The following CLSTN2 variants were observed in gnomAD, a reference collection of about 807,000 sequenced individuals.
The protein encoded by CLSTN2 is calsyntenin-2.
In CLSTN2, 48 loss-of-function variants were observed where a neutral mutation model predicts 101.2. The observed-to-expected ratio is 0.47, with a 90% confidence interval of 0.38 to 0.60. The LOEUF is 0.60. CLSTN2 is among the 20% of genes least tolerant of loss of function. The probability of loss-of-function intolerance (pLI) is 0.00; values close to 1 mark genes in which losing one functional copy is unlikely to be tolerated. For synonymous variants in CLSTN2, 481 were observed against 463.6 expected (o/e 1.04, Z -0.48); for missense variants, 1,160 against 1,238.2 (o/e 0.94, Z 0.95).
intron 1 of CLSTN2, among the ~76,000 whole-genome samples, chr3:140,169,716 T>G (rs2010184281): frequency 6.6e-6 from 1 of 152,194 alleles, no homozygotes; most frequent in Non-Finnish European, 1.5e-5. Context: ...TCATTTTATC[T>G]CAATATGTAT....
At chr3:140,134,910 G>T (rs539622389) in intron 1 of CLSTN2, among the ~76,000 whole-genome samples, 1 of 151,818 alleles carries the variant, frequency 6.6e-6, no homozygotes, top group Non-Finnish European at 1.5e-5. Context: ...AAGCTGGCTT[G>T]TTAAAAGAAG....
intron 2 of CLSTN2, among the ~76,000 whole-genome samples, chr3:140,282,040 TG>T (rs1201449904): frequency 6.6e-6 from 1 of 152,194 alleles, no homozygotes; most frequent in Non-Finnish European, 1.5e-5. Flanking sequence ...TGTATGTGTT[TG>T]TGTGTGTATA....
chr3:140,091,142 G>A (rs916268499), intron 1 of CLSTN2, among the ~76,000 whole-genome samples: 1 of 152,144 alleles, frequency 6.6e-6, no homozygotes, highest in Non-Finnish European at 1.5e-5. Flanking sequence ...TCATGAAGCT[G>A]CTGTAAGGAT....
At chr3:140,063,783 A>T (rs1334042404) in intron 1 of CLSTN2, among the ~76,000 whole-genome samples, 2 of 152,022 alleles carry the variant, frequency 1.3e-5, no homozygotes, top group African/African-American at 4.8e-5. Flanking sequence ...CCTGACATGG[A>T]GGAGGTTTCT....
chr3:140,062,166 G>A (rs2008217657), intron 1 of CLSTN2, among the ~76,000 whole-genome samples: 1 of 152,044 alleles, frequency 6.6e-6, no homozygotes, highest in South Asian at 2.1e-4. Context: ...AGAGCCCCGG[G>A]TACTCAGTTT....
At chr3:140,446,739 A>G (rs1933087077) in intron 5 of CLSTN2, among the ~76,000 whole-genome samples, 1 of 152,024 alleles carries the variant, frequency 6.6e-6, no homozygotes, top group Non-Finnish European at 1.5e-5. Flanking sequence ...TGCTTCACAC[A>G]TGCTTCCCTG....
intron 1 of CLSTN2, among the ~76,000 whole-genome samples, chr3:140,153,540 G>A (rs969445547): frequency 2.0e-5 from 3 of 152,276 alleles, no homozygotes; most frequent in African/African-American, 7.2e-5. Flanking sequence ...GCACCTGTGT[G>A]TATGTTGTAG....
At chr3:140,290,225 CAGTT>C (rs1202834716) in intron 2 of CLSTN2, among the ~76,000 whole-genome samples, 2 of 152,106 alleles carry the variant, frequency 1.3e-5, no homozygotes, top group African/African-American at 2.4e-5. Context: ...GTTCATCTCA[CAGTT>C]AGTTCAGTGA....
chr3:139,957,372 A>G (rs1935426311), intron 1 of CLSTN2, among the ~76,000 whole-genome samples: 1 of 152,190 alleles, frequency 6.6e-6, no homozygotes, highest in Non-Finnish European at 1.5e-5. Context: ...GAGATCAAGT[A>G]TCCTCTCAAC....
Position 140,391,139 on chromosome 3 carries a change from T to C in CLSTN2, c.233-12490T>C, listed in dbSNP as rs139095222. Among the ~76,000 whole-genome samples, 719 of 152,220 alleles carry C rather than the reference T, an allele frequency of 4.7e-3. 8 individuals are homozygous for C. The highest frequency in any genetic ancestry group is 0.017 in the African/African-American group (694 of 41,532). On this transcript the variant is annotated intron_variant, in intron 2 of 16. Coordinates refer to ENST00000458420, the MANE Select transcript of CLSTN2 (RefSeq NM_022131.3). ...CCTCCCCTTCCCTGGCTATCTTCTC[T>C]CCAGGATTCTACTCTCACACTCAGG...
intron 1 of CLSTN2, among the ~76,000 whole-genome samples, chr3:140,032,332 CTTTTT>C (rs982523156): frequency 3.3e-5 from 4 of 120,370 alleles, no homozygotes; most frequent in Non-Finnish European, 5.2e-5. Flanking sequence ...CTAACAAGTA[CTTTTT>C]TTTTTTTTTT....
chr3:140,388,526 A>G (rs758318460), intron 2 of CLSTN2, among the ~76,000 whole-genome samples: 3 of 152,230 alleles, frequency 2.0e-5, no homozygotes, highest in Non-Finnish European at 4.4e-5. Flanking sequence ...TTAGATTCCT[A>G]TAATGGTAAT....
At chr3:140,118,364 C>A (rs2009280410) in intron 1 of CLSTN2, among the ~76,000 whole-genome samples, 1 of 152,042 alleles carries the variant, frequency 6.6e-6, no homozygotes, top group Non-Finnish European at 1.5e-5. Context: ...GATATCTGGG[C>A]AAGGAGAAAT....
intron 2 of CLSTN2, among the ~76,000 whole-genome samples, chr3:140,224,453 C>A (rs926111501): frequency 7.9e-5 from 12 of 152,110 alleles, no homozygotes; most frequent in African/African-American, 2.9e-4. Flanking sequence ...ACAGTGAAGA[C>A]ACATCAGGGA....
intron 2 of CLSTN2, among the ~76,000 whole-genome samples, chr3:140,270,474 A>T (rs1197413044): frequency 6.6e-6 from 1 of 152,134 alleles, no homozygotes; most frequent in African/African-American, 2.4e-5. Flanking sequence ...GTTGTTAGGG[A>T]AGAATTTACA....
chr3:140,044,233 G>A (rs1432049519), intron 1 of CLSTN2, among the ~76,000 whole-genome samples: 1 of 152,170 alleles, frequency 6.6e-6, no homozygotes, highest in East Asian at 1.9e-4. Flanking sequence ...TCTCCTTGAA[G>A]TGGTCCTTCA....
intron 8 of CLSTN2, among the ~76,000 whole-genome samples, chr3:140,529,440 G>A (rs895911133): frequency 6.6e-6 from 1 of 152,120 alleles, no homozygotes; most frequent in African/African-American, 2.4e-5. Context: ...TGAACAGTCG[G>A]GAATTGAAGT....
At chr3:140,418,067 T>G (rs1375734877) in intron 4 of CLSTN2, among the ~76,000 whole-genome samples, 1 of 152,260 alleles carries the variant, frequency 6.6e-6, no homozygotes, top group African/African-American at 2.4e-5. Flanking sequence ...CATTGTAAAC[T>G]CTGAGCCTTC....
At position 140,246,553 on chromosome 3, in the gene CLSTN2, T is replaced by C. The variant is rs886719481; in HGVS notation, c.232+70480T>C. Among the ~76,000 whole-genome samples the C allele has an allele frequency of 8.5e-5, 13 of 152,336 alleles. No homozygotes were observed. The South Asian group carries it at 1.7e-3, about 19-fold the overall frequency. Reference sequence around the variant, plus strand: ...TGTTTTCTGGCCTGCACAATGGGCATGATACTGATTTCAGAGAATGAGGAT... The same window carrying C: ...TGTTTTCTGGCCTGCACAATGGGCACGATACTGATTTCAGAGAATGAGGAT... On this transcript the variant is annotated intron_variant, in intron 2 of 16. Transcript: ENST00000458420.
Sources: allele counts gnomAD v4.1 joint callset (sites outside exome capture counted in the v4.1 genomes callset), GRCh38; gene constraint gnomAD v4.1.1; transcripts MANE v1.5; gene names NCBI Gene and HGNC (gene_info 2026-07-23, HGNC 2026-07-21).